DOCK1: variants seen among roughly 807,000 people sequenced by gnomAD.
DOCK1 encodes dedicator of cytokinesis 1.
DOCK1 carries 138 observed loss-of-function variants against 262.7 expected under a neutral mutation model. The observed-to-expected ratio is 0.53, with a 90% CI of 0.46 to 0.61. The LOEUF is 0.61. DOCK1 is among the 20% of genes least tolerant of loss of function. The pLI is 0.00. For missense variants in DOCK1, 1,908 were observed against 2,370.7 expected, an observed-to-expected ratio of 0.80 and a Z score of 4.05; for synonymous variants, 866 against 867.4, an observed-to-expected ratio of 1.00 and a Z score of 0.03.
chr10:127,433,404 C>A lies in DOCK1; in HGVS notation c.5036C>A (p.Thr1679Asn), dbSNP rs1379145417. The A allele has an allele frequency of 1.9e-6, 3 of 1,613,906 alleles. No individual in the cohort carries two copies. Among genetic ancestry groups the A allele is most frequent in the South Asian group, 2.2e-5 (2 of 91,084 alleles). Reference protein sequence around the residue: ...ASVSSLSSDSTPSRPGSDGFA... With the variant: ...ASVSSLSSDSNPSRPGSDGFA... ...GTCTCTTCCCTCTCATCGGACAGCA[C>A]CCCTTCCAGACCAGGCTCCGACGGG... The change falls in exon 48 of 52, where the codon ACC becomes AAC. Residue 1679 changes from threonine to asparagine, a missense_variant. Transcript: ENST00000623213.
chr10:127,275,046 A>T (rs1387894554), intron 29 of DOCK1, among the ~76,000 whole-genome samples: 1 of 152,120 alleles, frequency 6.6e-6, no homozygotes, highest in Non-Finnish European at 1.5e-5. Flanking sequence ...AGCAACTGGA[A>T]ATTCTACACT....
intron 2 of DOCK1, among the ~76,000 whole-genome samples, chr10:126,973,194 T>C (rs1279853161): frequency 6.6e-6 from 1 of 151,774 alleles, no homozygotes; most frequent in African/African-American, 2.4e-5. Context: ...ACTGCATTTT[T>C]GTTCTTTGCT....
At chr10:126,965,174 G>A (rs1290796703) in intron 1 of DOCK1, among the ~76,000 whole-genome samples, 5 of 152,138 alleles carry the variant, frequency 3.3e-5, no homozygotes, top group African/African-American at 4.8e-5. Flanking sequence ...TTAGGTCTGC[G>A]TGTAACTTCT....
chr10:127,026,068 A>AAAAAAAAG, intron 15 of DOCK1: 2 of 221,290 alleles, frequency 9.0e-6, no homozygotes, highest in Non-Finnish European at 1.6e-5. Flanking sequence ...TCAAAAAAAA[A>AAAAAAAAG]AAAAGAAAGA....
At chr10:127,375,510 T>C (rs2065439122) in intron 35 of DOCK1, among the ~76,000 whole-genome samples, 1 of 152,224 alleles carries the variant, frequency 6.6e-6, no homozygotes, top group Admixed American at 6.5e-5. Flanking sequence ...CTCATGGAAA[T>C]GGACTTTCAT....
intron 29 of DOCK1, among the ~76,000 whole-genome samples, chr10:127,284,861 G>A (rs760767833): frequency 3.3e-5 from 5 of 152,126 alleles, no homozygotes; most frequent in African/African-American, 4.8e-5. Context: ...GGCCAGGTGC[G>A]GTGGCTCACG....
chr10:127,275,122 C>T (rs1361652550), intron 29 of DOCK1, among the ~76,000 whole-genome samples: 2 of 152,116 alleles, frequency 1.3e-5, no homozygotes, highest in Admixed American at 6.6e-5. Flanking sequence ...ATTCAGGCCA[C>T]CTGGGGGGCA....
At chr10:126,943,229 G>A (rs1299040719) in intron 1 of DOCK1, among the ~76,000 whole-genome samples, 1 of 152,182 alleles carries the variant, frequency 6.6e-6, no homozygotes, top group Non-Finnish European at 1.5e-5. Flanking sequence ...CTCCAGCCTG[G>A]GTGACAGAGA....
At chr10:126,965,284 G>A (rs2037579804) in intron 1 of DOCK1, among the ~76,000 whole-genome samples, 3 of 152,176 alleles carry the variant, frequency 2.0e-5, no homozygotes, top group Non-Finnish European at 4.4e-5. Context: ...GCGGAGGGAG[G>A]AAGGATTTTC....
chr10:126,907,422 G>A (rs1395219592), intron 1 of DOCK1, among the ~76,000 whole-genome samples: 6 of 152,084 alleles, frequency 3.9e-5, no homozygotes, highest in Admixed American at 1.3e-4. Flanking sequence ...TGCAGTGGGG[G>A]CCATCACTGC....
At chr10:127,006,420 T>C (rs947547633) in intron 10 of DOCK1, among the ~76,000 whole-genome samples, 3 of 152,222 alleles carry the variant, frequency 2.0e-5, no homozygotes, top group African/African-American at 4.8e-5. Context: ...TCAGCTGGAC[T>C]CTGTCTTTTC....
intron 27 of DOCK1, among the ~76,000 whole-genome samples, chr10:127,178,552 C>G (rs540321698): frequency 2.6e-5 from 4 of 152,324 alleles, no homozygotes; most frequent in African/African-American, 9.6e-5. Flanking sequence ...TGCATTAGCC[C>G]TTGCACCTCT....
intron 27 of DOCK1, chr10:127,195,940 C>G (rs992855523): frequency 6.6e-6 from 1 of 152,252 alleles, no homozygotes; most frequent in East Asian, 1.9e-4. Flanking sequence ...GCTCTGCCCG[C>G]GGCCAAGTAC....
chr10:127,405,720 C>T (rs566874588), intron 40 of DOCK1, among the ~76,000 whole-genome samples: 185 of 152,292 alleles, frequency 1.2e-3, no homozygotes, highest in Non-Finnish European at 2.4e-3. Flanking sequence ...CAGGGGAGCA[C>T]CACAGTTCTG....
At chr10:127,055,038 C>T (rs2045038805) in intron 22 of DOCK1, among the ~76,000 whole-genome samples, 1 of 152,070 alleles carries the variant, frequency 6.6e-6, no homozygotes, top group South Asian at 2.1e-4. Context: ...ACAAATGGCA[C>T]AAAATCTTAG....
At chr10:127,002,483 G>T (rs1035957166) in intron 10 of DOCK1, among the ~76,000 whole-genome samples, 15 of 152,222 alleles carry the variant, frequency 9.9e-5, no homozygotes, top group African/African-American at 3.6e-4. Context: ...AATGGATGGA[G>T]AGGGTGATGG....
At chr10:127,161,896 C>G (rs551871185) in intron 27 of DOCK1, among the ~76,000 whole-genome samples, 1 of 152,208 alleles carries the variant, frequency 6.6e-6, no homozygotes, top group Non-Finnish European at 1.5e-5. Flanking sequence ...TGTCTCAGAT[C>G]TATGGGGGTT....
intron 19 of DOCK1, among the ~76,000 whole-genome samples, chr10:127,039,951 C>G (rs1229765922): frequency 6.6e-6 from 1 of 152,214 alleles, no homozygotes; most frequent in African/African-American, 2.4e-5. Flanking sequence ...CCTTTCATGG[C>G]TCCGTGTGAA....
intron 27 of DOCK1, among the ~76,000 whole-genome samples, chr10:127,185,062 A>T (rs2056101879): frequency 6.6e-6 from 1 of 152,174 alleles, no homozygotes; most frequent in Non-Finnish European, 1.5e-5. Flanking sequence ...CTCCCTGGGG[A>T]GTCAGGGTAG....
Sources: allele counts gnomAD v4.1 joint callset (sites outside exome capture counted in the v4.1 genomes callset), GRCh38; gene constraint gnomAD v4.1.1; transcripts MANE v1.5; gene names NCBI Gene and HGNC (gene_info 2026-07-23, HGNC 2026-07-21).